PRKCH: variants seen among roughly 807,000 people sequenced by gnomAD.
PRKCH encodes protein kinase C eta type.
In PRKCH, 28 loss-of-function variants were observed where a neutral mutation model predicts 82.5. That is an observed-to-expected ratio of 0.34 (90% CI 0.25 to 0.47). PRKCH has a LOEUF of 0.47. PRKCH is among the 20% of genes least tolerant of loss of function. The pLI, the probability that PRKCH is intolerant of heterozygous loss-of-function variation, is 1.00. For missense variants in PRKCH, 705 were observed against 881.8 expected, an observed-to-expected ratio of 0.80 and a Z score of 2.54; for synonymous variants, 322 against 327.4, an observed-to-expected ratio of 0.98 and a Z score of 0.18.
intron 1 of PRKCH, among the ~76,000 whole-genome samples, chr14:61,343,220 G>T (rs1386030121): frequency 6.6e-6 from 1 of 152,078 alleles, no homozygotes; most frequent in Non-Finnish European, 1.5e-5. Flanking sequence ...TGGCTTGGAG[G>T]CTAGTGTCCT....
intron 9 of PRKCH, among the ~76,000 whole-genome samples, chr14:61,480,250 A>G (rs1885914026): frequency 6.6e-6 from 1 of 152,232 alleles, no homozygotes; most frequent in African/African-American, 2.4e-5. Context: ...CCTCTCTGCC[A>G]TAGGAGTGAC....
intron 1 of PRKCH, among the ~76,000 whole-genome samples, chr14:61,351,599 C>A (rs1021405416): frequency 6.6e-6 from 1 of 152,092 alleles, no homozygotes; most frequent in Non-Finnish European, 1.5e-5. Flanking sequence ...AAGTGGTGTT[C>A]GGAGGCACAG....
In PRKCH at chr14:61,407,201, C is replaced by G. The variant is rs138718281; in HGVS notation, c.427+15913C>G. 3.9e-4 allele frequency among the ~76,000 whole-genome samples: 60 copies of G among 152,280 alleles called. No homozygotes were observed. In the East Asian group the frequency reaches 6.0e-3, roughly 15 times the overall value. Reference sequence around the variant, plus strand: ...CTCATGCTCTGACCATTTAGTTTATCTAAATCTTAGGATTATAGGGATTTT... The same window carrying G: ...CTCATGCTCTGACCATTTAGTTTATGTAAATCTTAGGATTATAGGGATTTT... On this transcript the variant is annotated intron_variant, in intron 2 of 13. Transcript: ENST00000332981.
intron 1 of PRKCH, among the ~76,000 whole-genome samples, chr14:61,211,274 G>A (rs2044577934): frequency 6.6e-6 from 1 of 152,228 alleles, no homozygotes; most frequent in African/African-American, 2.4e-5. Context: ...AACAGTGACA[G>A]CGTGCACAGT....
At chr14:61,485,419 CA>C in intron 9 of PRKCH, 82 bp from the exon 10 acceptor site, 1 of 1,502,932 alleles carries the variant, frequency 6.7e-7, no homozygotes. Flanking sequence ...CTCTCTATGC[CA>C]CAGCCTTAGG....
intron 1 of PRKCH, among the ~76,000 whole-genome samples, chr14:61,388,629 G>GA (rs1281634706): frequency 6.6e-6 from 1 of 152,176 alleles, no homozygotes; most frequent in Non-Finnish European, 1.5e-5. Flanking sequence ...TATTGAAGAT[G>GA]AGGGAGTGTG....
intron 2 of PRKCH, among the ~76,000 whole-genome samples, chr14:61,441,749 A>G (rs575760224): frequency 3.4e-4 from 50 of 147,652 alleles, no homozygotes; most frequent in Non-Finnish European, 4.5e-5. Context: ...TTTTTTGCCA[A>G]ATAGAACTTT....
chr14:61,233,643 T>A (rs1208205803), intron 1 of PRKCH, among the ~76,000 whole-genome samples: 1 of 152,186 alleles, frequency 6.6e-6, no homozygotes, highest in African/African-American at 2.4e-5. Flanking sequence ...AATTTAATCA[T>A]GAGGGTGGTT....
chr14:61,503,241 G>A lies in PRKCH; in HGVS notation c.1433+17585G>A, dbSNP rs143303837. ...TTTGCAAATAGACAGGTTCAAACCC[G>A]TCAGAGGCCGTAACTGAGTTTCCCT... On this transcript the variant is annotated intron_variant, in intron 10 of 13. Coordinates refer to ENST00000332981, the MANE Select transcript of PRKCH (RefSeq NM_006255.5). Among the ~76,000 whole-genome samples, 581 of 151,040 alleles carry A rather than the reference G, an allele frequency of 3.8e-3. 18 individuals carry two copies. The East Asian group carries it at 0.061, about 16-fold the overall frequency.
intron 1 of PRKCH, among the ~76,000 whole-genome samples, chr14:61,192,800 T>C (rs904632482): frequency 2.0e-5 from 3 of 152,240 alleles, no homozygotes; most frequent in African/African-American, 7.2e-5. Flanking sequence ...TGGAAGACAT[T>C]GTCATAAATA....
intron 1 of PRKCH, among the ~76,000 whole-genome samples, chr14:61,227,974 C>T (rs35056625): frequency 8.5e-5 from 13 of 152,184 alleles, no homozygotes; most frequent in African/African-American, 2.7e-4. Context: ...TTAACCCTCC[C>T]TAAATACCTT....
At chr14:61,236,534 C>T (rs944068367) in intron 1 of PRKCH, among the ~76,000 whole-genome samples, 3 of 151,720 alleles carry the variant, frequency 2.0e-5, no homozygotes, top group African/African-American at 7.3e-5. Context: ...ATGGTGAAAC[C>T]CTGTCTCTAC....
At chr14:61,360,778 C>CT (rs2046214668) in intron 1 of PRKCH, among the ~76,000 whole-genome samples, 1 of 152,224 alleles carries the variant, frequency 6.6e-6, no homozygotes, top group Admixed American at 6.5e-5. Flanking sequence ...TTTAGTTCAG[C>CT]TGTTAACCAT....
intron 1 of PRKCH, among the ~76,000 whole-genome samples, chr14:61,368,574 G>A (rs2140170139): frequency 6.6e-6 from 1 of 152,200 alleles, no homozygotes; most frequent in East Asian, 1.9e-4. Context: ...TGTGCCTTAG[G>A]CCACATGAGT....
intron 1 of PRKCH, among the ~76,000 whole-genome samples, chr14:61,380,687 T>TCATTTAATTA (rs1278239687): frequency 2.6e-5 from 4 of 152,196 alleles, no homozygotes; most frequent in Non-Finnish European, 2.9e-5. Context: ...AAGGCATCCT[T>TCATTTAATTA]CATTTAATTT....
intron 10 of PRKCH, among the ~76,000 whole-genome samples, chr14:61,507,374 A>G (rs1371704045): frequency 6.6e-6 from 1 of 152,152 alleles, no homozygotes; most frequent in Non-Finnish European, 1.5e-5. Context: ...AACAATATGT[A>G]GGTTCCTCAA....
intron 2 of PRKCH, among the ~76,000 whole-genome samples, chr14:61,427,864 G>T (rs1883189678): frequency 6.6e-6 from 1 of 151,886 alleles, no homozygotes; most frequent in Non-Finnish European, 1.5e-5. Flanking sequence ...GCAATTACAG[G>T]CATGAGCCAC....
chr14:61,495,648 G>A (rs1886636677), intron 10 of PRKCH, among the ~76,000 whole-genome samples: 1 of 152,136 alleles, frequency 6.6e-6, no homozygotes, highest in Non-Finnish European at 1.5e-5. Flanking sequence ...CTCGAGCTTG[G>A]GGTGTTTGTT....
At chr14:61,262,219 T>TATAAAAAAAAAAAAAAAAAAAAAAAAAA (rs2045053278) in intron 1 of PRKCH, among the ~76,000 whole-genome samples, 1 of 106,614 alleles carries the variant, frequency 9.4e-6, no homozygotes, top group Admixed American at 9.8e-5. Flanking sequence ...AGACTCTGTA[T>TATAAAAAAAAAAAAAAAAAAAAAAAAAA]AAAAAAAAAA....
Sources: gnomAD v4.1 joint callset for allele counts (sites outside exome capture counted in the v4.1 genomes callset) on GRCh38, gnomAD v4.1.1 for gene constraint, MANE v1.5 for transcripts, NCBI Gene and HGNC (gene_info 2026-07-23, HGNC 2026-07-21) for gene names.